Variants in RBFOX3 observed in about 807,000 individuals in gnomAD.
RBFOX3 encodes RNA binding fox-1 homolog 3, also known as RNA binding protein fox-1 homolog 3.
A neutral mutation model predicts 48.7 loss-of-function variants in RBFOX3; 17 were observed. The ratio of observed to expected loss-of-function variants is 0.35; its 90% CI spans 0.24 to 0.52. The LOEUF (loss-of-function observed/expected upper bound fraction) is 0.52, where lower values mean the gene tolerates loss of function less well. RBFOX3 is among the 20% of genes least tolerant of loss of function. The pLI is 0.94. For missense variants in RBFOX3, 382 were observed against 497.5 expected, an observed-to-expected ratio of 0.77 and a Z score of 2.21; for synonymous variants, 212 against 209.5, an observed-to-expected ratio of 1.01 and a Z score of -0.10.
chr17:79,596,638 T>C (rs985359555), intron 1 of RBFOX3, among the ~76,000 whole-genome samples: 20 of 152,190 alleles, frequency 1.3e-4, no homozygotes, highest in Non-Finnish European at 2.5e-4. Flanking sequence ...CAGACAGCCA[T>C]GCTAGGTGCT....
At chr17:79,640,790 C>T in the RBFOX3 span, among the ~76,000 whole-genome samples, 9 of 152,096 alleles carry the variant, frequency 5.9e-5, no homozygotes, top group African/African-American at 2.2e-4. Flanking sequence ...TCACTCCATA[C>T]ACAAAAATCA....
intron 2 of RBFOX3, among the ~76,000 whole-genome samples, chr17:79,379,771 G>T (rs1427018451): frequency 6.6e-6 from 1 of 152,042 alleles, no homozygotes; most frequent in Admixed American, 6.5e-5. Context: ...GGTCCAGATC[G>T]GACTCCAGGG....
At chr17:79,139,544 T>C (rs1315795139) in intron 4 of RBFOX3, among the ~76,000 whole-genome samples, 1 of 152,232 alleles carries the variant, frequency 6.6e-6, no homozygotes, top group Non-Finnish European at 1.5e-5. Context: ...TGTGGGCTCC[T>C]TCCCCGTGAG....
intron 1 of RBFOX3, among the ~76,000 whole-genome samples, chr17:79,551,231 C>T (rs979607683): frequency 2.6e-5 from 4 of 152,064 alleles, no homozygotes; most frequent in Admixed American, 6.5e-5. Context: ...ATGAGCAGGG[C>T]GATTCCCCTC....
At chr17:79,604,384 C>T (rs1038502120) in intron 1 of RBFOX3, among the ~76,000 whole-genome samples, 3 of 151,756 alleles carry the variant, frequency 2.0e-5, no homozygotes, top group East Asian at 3.9e-4. Flanking sequence ...CCGGTGTGTG[C>T]GGCTCTCCCA....
intron 2 of RBFOX3, among the ~76,000 whole-genome samples, chr17:79,329,391 T>G (rs1280737179): frequency 6.6e-6 from 1 of 152,026 alleles, no homozygotes; most frequent in Non-Finnish European, 1.5e-5. Flanking sequence ...CTCCTGCCGG[T>G]GATCCTGTGC....
At chr17:79,542,507 T>C (rs1490340129) in intron 1 of RBFOX3, among the ~76,000 whole-genome samples, 1 of 122,136 alleles carries the variant, frequency 8.2e-6, no homozygotes, top group Non-Finnish European at 1.7e-5. Context: ...ATTTTCAGTT[T>C]TCTAGGTGGC....
chr17:79,090,648 G>T lies in RBFOX3; in HGVS notation c.*235C>A, dbSNP rs879243303. The T allele has an allele frequency of 2.1e-5, 11 of 525,910 alleles. No individual in the cohort carries two copies. The South Asian group carries it at 2.8e-4, about 13-fold the overall frequency. 32.6% of individuals were successfully genotyped at this position (525,910 alleles called of 1,614,324 possible). On this transcript the variant is annotated 3_prime_UTR_variant, in exon 15 of 15. Coordinates refer to ENST00000693108, the MANE Select transcript of RBFOX3 (RefSeq NM_001350451.2). ...TTCCCACTGTGCTGCCAGCCAGGAC[G>T]CGGTGGGGCCGTCCTGTCCTGGGGC...
chr17:79,620,156 C>A, the RBFOX3 span, among the ~76,000 whole-genome samples: 6 of 61,010 alleles, frequency 9.8e-5, no homozygotes, highest in Non-Finnish European at 1.4e-4. Flanking sequence ...CACATGCACG[C>A]GCGGACATGC....
chr17:79,375,050 C>T (rs1340242321), intron 2 of RBFOX3, among the ~76,000 whole-genome samples: 1 of 152,108 alleles, frequency 6.6e-6, no homozygotes, highest in Non-Finnish European at 1.5e-5. Context: ...GATCCTGGTC[C>T]CCTGGGCTCG....
At chr17:79,616,860 G>A in the RBFOX3 span, among the ~76,000 whole-genome samples, 15 of 152,172 alleles carry the variant, frequency 9.9e-5, no homozygotes, top group Non-Finnish European at 2.1e-4. Flanking sequence ...GCACCTGTCC[G>A]GGCTCCATGG....
chr17:79,179,423 G>A (rs1267519592), intron 4 of RBFOX3, among the ~76,000 whole-genome samples: 3 of 152,160 alleles, frequency 2.0e-5, no homozygotes, highest in Non-Finnish European at 2.9e-5. Context: ...GAGACTATCT[G>A]TGATTTCACC....
the RBFOX3 span, among the ~76,000 whole-genome samples, chr17:79,649,489 T>A: frequency 2.6e-5 from 4 of 152,178 alleles, no homozygotes; most frequent in South Asian, 8.3e-4. Context: ...GTGGATCACC[T>A]GAGGTCAGGA....
intron 2 of RBFOX3, among the ~76,000 whole-genome samples, chr17:79,315,855 C>T (rs544548633): frequency 3.4e-4 from 51 of 152,194 alleles, no homozygotes; most frequent in Non-Finnish European, 5.9e-4. Context: ...AATAAGGCCA[C>T]GCGGAAGGGG....
chr17:79,627,722 G>A, the RBFOX3 span, among the ~76,000 whole-genome samples: 1 of 152,160 alleles, frequency 6.6e-6, no homozygotes, highest in South Asian at 2.1e-4. Flanking sequence ...CTTATTGCTG[G>A]AGATGACTTT....
At chr17:79,215,369 C>T (rs1329697675) in intron 4 of RBFOX3, among the ~76,000 whole-genome samples, 4 of 152,218 alleles carry the variant, frequency 2.6e-5, no homozygotes, top group Admixed American at 2.0e-4. Flanking sequence ...GTAGGAGACG[C>T]CTCTGGAAAG....
intron 2 of RBFOX3, among the ~76,000 whole-genome samples, chr17:79,384,398 G>A (rs539877924): frequency 6.6e-6 from 1 of 152,258 alleles, no homozygotes; most frequent in Non-Finnish European, 1.5e-5. Flanking sequence ...TGCTTGTAAG[G>A]GGCTGGTCCA....
intron 1 of RBFOX3, among the ~76,000 whole-genome samples, chr17:79,552,492 C>T (rs936546293): frequency 5.9e-5 from 9 of 152,240 alleles, no homozygotes; most frequent in East Asian, 3.9e-4. Context: ...TTTTCTTATT[C>T]GTTTCCCACC....
Position 79,337,132 on chromosome 17 carries a change from G to A in RBFOX3, c.-174-29308C>T, listed in dbSNP as rs113082414. On this transcript the variant is annotated intron_variant, in intron 2 of 14. Transcript: ENST00000693108. ...GACTCCATCTCAAAAAATAAAAAAG[G>A]TGAGTGCTCTTATTTCGATAGTCCT... Among the ~76,000 whole-genome samples, 158 of 152,034 alleles carry A rather than the reference G, an allele frequency of 1.0e-3. 2 individuals carry two copies. The highest frequency in any genetic ancestry group is 3.7e-3 in the African/African-American group (152 of 41,472).
Sources: gnomAD v4.1 joint callset for allele counts (sites outside exome capture counted in the v4.1 genomes callset) on GRCh38, gnomAD v4.1.1 for gene constraint, MANE v1.5 for transcripts, NCBI Gene and HGNC (gene_info 2026-07-23, HGNC 2026-07-21) for gene names.